The following PCDH9 variants were observed in gnomAD, a reference collection of about 807,000 sequenced individuals.
PCDH9 encodes the protein protocadherin-9.
PCDH9 carries 24 observed loss-of-function variants against 70.6 expected under a neutral mutation model. That is an observed-to-expected ratio of 0.34 (90% confidence interval 0.25 to 0.48). The LOEUF (loss-of-function observed/expected upper bound fraction) is 0.48. Among genes scored for constraint, PCDH9 ranks in the 20% least tolerant of loss-of-function variants. The pLI, the probability that PCDH9 is intolerant of heterozygous loss-of-function variation, is 0.99. For missense variants in PCDH9, 1,281 were observed against 1,503.6 expected, an observed-to-expected ratio of 0.85 and a Z score of 2.45; for synonymous variants, 562 against 558.5, an observed-to-expected ratio of 1.01 and a Z score of -0.09.
chr13:66,924,965 T>C (rs895354975), intron 2 of PCDH9, among the ~76,000 whole-genome samples: 2 of 151,674 alleles, frequency 1.3e-5, no homozygotes, highest in Non-Finnish European at 2.9e-5. Flanking sequence ...TATAAATGAA[T>C]GACACAAATA....
chr13:66,862,770 T>C (rs2081505648), intron 3 of PCDH9, among the ~76,000 whole-genome samples: 1 of 152,212 alleles, frequency 6.6e-6, no homozygotes, highest in Non-Finnish European at 1.5e-5. Flanking sequence ...TTGTTGTGTC[T>C]ATCATTCTCA....
chr13:66,456,552 G>C (rs990125075), intron 4 of PCDH9, among the ~76,000 whole-genome samples: 8 of 151,958 alleles, frequency 5.3e-5, no homozygotes. Flanking sequence ...GAATTACCAC[G>C]CTCAGCCTTC....
At chr13:66,849,862 G>A (rs1383903958) in intron 3 of PCDH9, among the ~76,000 whole-genome samples, 1 of 152,102 alleles carries the variant, frequency 6.6e-6, no homozygotes, top group African/African-American at 2.4e-5. Context: ...AACGATGACT[G>A]ACCTTGGTGC....
chr13:66,560,899 G>A (rs1958237563), intron 4 of PCDH9, among the ~76,000 whole-genome samples: 2 of 152,146 alleles, frequency 1.3e-5, no homozygotes, highest in Non-Finnish European at 2.9e-5. Flanking sequence ...GTGACAGCGT[G>A]CTAGCAGTCC....
At chr13:66,417,808 T>A (rs1957488145) in intron 4 of PCDH9, among the ~76,000 whole-genome samples, 1 of 152,252 alleles carries the variant, frequency 6.6e-6, no homozygotes, top group Admixed American at 6.5e-5. Flanking sequence ...TGTCTTCTTT[T>A]GAAAAGTGTC....
At chr13:66,556,968 A>G (rs1216747038) in intron 4 of PCDH9, among the ~76,000 whole-genome samples, 2 of 152,134 alleles carry the variant, frequency 1.3e-5, no homozygotes, top group Non-Finnish European at 2.9e-5. Context: ...CTTCACAAAG[A>G]TAAAGGAGTT....
intron 4 of PCDH9, among the ~76,000 whole-genome samples, chr13:66,576,747 T>G (rs908224522): frequency 6.6e-6 from 1 of 152,048 alleles, no homozygotes; most frequent in Non-Finnish European, 1.5e-5. Flanking sequence ...TTTCCATTCT[T>G]GTGTGCAATG....
intron 3 of PCDH9, among the ~76,000 whole-genome samples, chr13:66,672,399 A>G (rs9564330): frequency 0.29 from 43,893 of 152,122 alleles, 7,970 homozygotes; most frequent in East Asian, 0.55. Context: ...CAGAGGATGT[A>G]TGGAAATGCC....
At chr13:66,783,287 T>C (rs888811527) in intron 3 of PCDH9, among the ~76,000 whole-genome samples, 3 of 152,110 alleles carry the variant, frequency 2.0e-5, no homozygotes, top group African/African-American at 7.2e-5. Flanking sequence ...TCACATTCTA[T>C]AGAGAGGAAA....
At chr13:66,726,679 T>C (rs1035261297) in intron 3 of PCDH9, among the ~76,000 whole-genome samples, 2 of 152,282 alleles carry the variant, frequency 1.3e-5, no homozygotes, top group African/African-American at 4.8e-5. Context: ...AGTTGTTTTT[T>C]CCTCCCTGCG....
intron 3 of PCDH9, among the ~76,000 whole-genome samples, chr13:66,883,660 T>A (rs550779618): frequency 6.6e-6 from 1 of 152,168 alleles, no homozygotes; most frequent in African/African-American, 2.4e-5. Flanking sequence ...AAAAAAGGCC[T>A]TCAAGAAAGA....
chr13:66,446,125 T>G (rs1958084701), intron 4 of PCDH9, among the ~76,000 whole-genome samples: 2 of 152,014 alleles, frequency 1.3e-5, no homozygotes, highest in African/African-American at 2.4e-5. Context: ...ATATGTGATG[T>G]GTGTATGTAT....
At chr13:66,957,911 G>T (rs1043603968) in intron 2 of PCDH9, among the ~76,000 whole-genome samples, 22 of 152,140 alleles carry the variant, frequency 1.4e-4, no homozygotes, top group African/African-American at 5.1e-4. Context: ...AATACAAAGG[G>T]AGTTATTAGT....
chr13:66,739,617 C>T (rs1204694196), intron 3 of PCDH9, among the ~76,000 whole-genome samples: 5 of 150,948 alleles, frequency 3.3e-5, no homozygotes, highest in African/African-American at 1.2e-4. Flanking sequence ...CAGAGACACA[C>T]ATAGGCTCAA....
chr13:66,731,075 G>A (rs2079073333), intron 3 of PCDH9, among the ~76,000 whole-genome samples: 1 of 151,594 alleles, frequency 6.6e-6, no homozygotes, highest in South Asian at 2.1e-4. Context: ...ATCCACAGGG[G>A]AATGGTTAAA....
chr13:66,526,507 ATCTC>A (rs67724900), intron 4 of PCDH9, among the ~76,000 whole-genome samples: 363 of 149,264 alleles, frequency 2.4e-3, no homozygotes, highest in African/African-American at 8.4e-3. Context: ...ATGCTTTGAA[ATCTC>A]TCTCTCTCTC....
intron 4 of PCDH9, among the ~76,000 whole-genome samples, chr13:66,594,511 TATTTTA>T (rs2077078346): frequency 7.2e-6 from 1 of 139,612 alleles, no homozygotes; most frequent in Non-Finnish European, 1.6e-5. Context: ...TATTTTATTT[TATTTTA>T]TTTTAAGTTC....
At chr13:67,214,933 C>CATATATATATATATATATAT (rs1388312996) in intron 2 of PCDH9, 1 of 26,130 alleles carries the variant, frequency 3.8e-5, no homozygotes, top group African/African-American at 1.2e-4. Context: ...TATTGCGAGC[C>CATATATATATATATATATAT]AGATATATAT....
intron 3 of PCDH9, among the ~76,000 whole-genome samples, chr13:66,682,366 ATCTATC>A (rs1566502875): frequency 8.2e-5 from 4 of 48,524 alleles, no homozygotes; most frequent in East Asian, 1.2e-3. Context: ...CTATCTATCT[ATCTATC>A]TATCTATCTA....
Sources: gnomAD v4.1 joint callset for allele counts (sites outside exome capture counted in the v4.1 genomes callset) on GRCh38, gnomAD v4.1.1 for gene constraint, MANE v1.5 for transcripts, NCBI Gene and HGNC (gene_info 2026-07-23, HGNC 2026-07-21) for gene names.